PNLIPRP3: variants seen among roughly 807,000 people sequenced by gnomAD.
PNLIPRP3 encodes pancreatic lipase-related protein 3.
A neutral mutation model predicts 52.8 loss-of-function variants in PNLIPRP3; 58 were observed. That is an observed-to-expected ratio of 1.10 (90% CI 0.89 to 1.37). The LOEUF is 1.37. Among genes scored for constraint, PNLIPRP3 ranks in the 40% most tolerant of loss-of-function variants. PNLIPRP3 has a pLI of 0.00. For missense variants in PNLIPRP3, 593 were observed against 561.6 expected, an observed-to-expected ratio of 1.06 and a Z score of -0.57; for synonymous variants, 192 against 185.0, an observed-to-expected ratio of 1.04 and a Z score of -0.31.
intron 1 of PNLIPRP3, among the ~76,000 whole-genome samples, chr10:116,428,264 T>C (rs1845664923): frequency 2.0e-5 from 3 of 152,128 alleles, no homozygotes; most frequent in African/African-American, 7.2e-5. Context: ...CATAAAATTA[T>C]CAATGGAAAA....
chr10:116,473,974 C>G (rs1285513935), intron 10 of PNLIPRP3, among the ~76,000 whole-genome samples: 1 of 144,588 alleles, frequency 6.9e-6, no homozygotes, highest in African/African-American at 2.6e-5. Context: ...AAAAAGATCC[C>G]AAATAGCCAA....
At chr10:116,462,701 A>C (rs1392253434) in intron 7 of PNLIPRP3, among the ~76,000 whole-genome samples, 2 of 152,188 alleles carry the variant, frequency 1.3e-5, no homozygotes, top group African/African-American at 4.8e-5. Context: ...GATTTTCCCC[A>C]TTATTTTCTA....
At chr10:116,458,123 T>C (rs988280083) in intron 5 of PNLIPRP3, among the ~76,000 whole-genome samples, 3 of 152,070 alleles carry the variant, frequency 2.0e-5, no homozygotes, top group African/African-American at 7.2e-5. Context: ...TGGTAAGTAG[T>C]TGTCATAATA....
chr10:116,471,815 C>T lies in PNLIPRP3; in HGVS notation c.1108C>T (p.Gln370Ter). 6.2e-7 allele frequency: 1 copy of T among 1,611,842 alleles called. No homozygotes were observed. Among genetic ancestry groups the T allele is most frequent in the South Asian group, 1.1e-5 (1 of 90,822 alleles). Residue 370 changes from glutamine (Q) to a stop codon, truncating the protein, a stop_gained, in exon 10 of 12, where the codon CAA (glutamine) becomes TAA (stop). Transcript: ENST00000369230. LOFTEE classifies it high-confidence loss of function. ...TAAACTCAGTGGAAGCGAAGTCACT[C>T]AAGGAACTGTCTTTCTTCGTGTAGG... ...SVKLSGSEVTQGTVFLRVGGA... is the reference protein window; with the variant it reads ...SVKLSGSEVT
At chr10:116,466,283 G>T in intron 8 of PNLIPRP3, 115 bp downstream of exon 8, 1 of 682,272 alleles carries the variant, frequency 1.5e-6, no homozygotes, top group Non-Finnish European at 2.4e-6. Context: ...CTGCCATTTT[G>T]GGAAATAATG....
Position 116,450,725 on chromosome 10 carries a change from A to G in PNLIPRP3, c.457-4997A>G, listed in dbSNP as rs138832834. ...CTAGAAGAAATAGATAAATTCCTAG[A>G]AACATACAACATACCAAAGCTGAAT... On this transcript the variant is annotated intron_variant, in intron 4 of 11. Coordinates refer to ENST00000369230, the MANE Select transcript of PNLIPRP3 (RefSeq NM_001011709.3). 3.7e-3 allele frequency among the ~76,000 whole-genome samples: 561 copies of G among 152,332 alleles called. 5 individuals are homozygous for G. Among genetic ancestry groups the G allele is most frequent in the Middle Eastern group, 3.4e-3 (1 of 294 alleles).
chr10:116,452,389 T>C (rs1846051993), intron 4 of PNLIPRP3, among the ~76,000 whole-genome samples: 1 of 152,222 alleles, frequency 6.6e-6, no homozygotes. Context: ...AAAAGCTTTT[T>C]CAAGAGCAGA....
At chr10:116,440,591 T>A (rs781629550) in intron 2 of PNLIPRP3, among the ~76,000 whole-genome samples, 8 of 152,258 alleles carry the variant, frequency 5.3e-5, no homozygotes, top group Non-Finnish European at 8.8e-5. Flanking sequence ...TATAAACAAA[T>A]CAGAAATTAA....
At chr10:116,461,757 A>G (rs1589987038) in intron 7 of PNLIPRP3, among the ~76,000 whole-genome samples, 1 of 152,188 alleles carries the variant, frequency 6.6e-6, no homozygotes. Flanking sequence ...AGTGAAGGTA[A>G]AGTAGAAGAA....
chr10:116,431,957 A>G (rs574501616), intron 1 of PNLIPRP3, among the ~76,000 whole-genome samples: 116 of 152,110 alleles, frequency 7.6e-4, no homozygotes, highest in African/African-American at 2.7e-3. Context: ...TGGACACCCT[A>G]TTTAAACTGC....
chr10:116,437,330 T>A (rs749499079), intron 2 of PNLIPRP3, among the ~76,000 whole-genome samples: 1 of 152,154 alleles, frequency 6.6e-6, no homozygotes, highest in Non-Finnish European at 1.5e-5. Context: ...AGAGCTCACC[T>A]TGAGGTCAGG....
Position 116,427,961 on chromosome 10 carries a change from A to G in PNLIPRP3, c.-52A>G. The G allele has an allele frequency of 7.2e-7, 1 of 1,397,286 alleles. No individual in the cohort carries two copies. Among genetic ancestry groups the G allele is most frequent in the Non-Finnish European group, 1.0e-6 (1 of 986,090 alleles). 86.6% of individuals were successfully genotyped at this position (1,397,286 alleles called of 1,614,324 possible). On this transcript the variant is annotated 5_prime_UTR_variant, in exon 1 of 12. Coordinates refer to ENST00000369230, the MANE Select transcript of PNLIPRP3 (RefSeq NM_001011709.3). ...TAGTATTTTATAGTGAGGTGACTTT[A>G]CAAGTAAAGATCTTCAAGAAGATTT...
chr10:116,455,139 A>G (rs1203494313), intron 4 of PNLIPRP3, among the ~76,000 whole-genome samples: 1 of 152,172 alleles, frequency 6.6e-6, no homozygotes, highest in Non-Finnish European at 1.5e-5. Flanking sequence ...GATGTTCAAC[A>G]TTTTTTCATA....
intron 7 of PNLIPRP3, among the ~76,000 whole-genome samples, chr10:116,464,918 G>A (rs887080508): frequency 3.9e-5 from 6 of 152,226 alleles, no homozygotes; most frequent in South Asian, 2.1e-4. Context: ...TTCCTGATGC[G>A]TGGGGTGGGA....
intron 5 of PNLIPRP3, among the ~76,000 whole-genome samples, chr10:116,457,422 AC>A (rs1846131660): frequency 6.6e-6 from 1 of 152,124 alleles, no homozygotes; most frequent in African/African-American, 2.4e-5. Context: ...TCAATTTAGA[AC>A]ACAGTTTTTA....
In PNLIPRP3 at chr10:116,436,772, T is replaced by C. The variant is rs1284153237; in HGVS notation, c.111T>C (p.Thr37=). 4 of 1,613,726 alleles carry C rather than the reference T, an allele frequency of 2.5e-6. No homozygotes were observed. In the African/African-American group the frequency reaches 4.0e-5, roughly 16 times the overall value. The change falls in exon 2 of 12, where the codon ACT becomes ACC. Residue 37 remains threonine (T), a synonymous_variant. Coordinates refer to ENST00000369230, the MANE Select transcript of PNLIPRP3 (RefSeq NM_001011709.3). ...AAGATGGTTTACCATGGACCAGGAC[T>C]TTCTCAACAGAGTTGGTAGGTTTAC... ...CFKDGLPWTR[T]FSTELVGLPW...
chr10:116,440,732 C>A (rs1845845849), intron 2 of PNLIPRP3, among the ~76,000 whole-genome samples: 1 of 152,160 alleles, frequency 6.6e-6, no homozygotes, highest in Non-Finnish European at 1.5e-5. Context: ...ATAAAACCAA[C>A]CGACTTCCCC....
chr10:116,455,680 C>T (rs374854050), intron 4 of PNLIPRP3, 42 bp from the exon 5 acceptor site: 70 of 1,413,296 alleles, frequency 5.0e-5, no homozygotes, highest in African/African-American at 1.3e-4. Context: ...GCTATTCCAC[C>T]GCTGTTTTTA....
intron 1 of PNLIPRP3, among the ~76,000 whole-genome samples, chr10:116,431,177 T>C (rs1845704815): frequency 1.3e-5 from 2 of 152,160 alleles, no homozygotes; most frequent in South Asian, 4.1e-4. Context: ...GCTACCACCC[T>C]AGTCTTAGCC....
Sources: allele counts gnomAD v4.1 joint callset (sites outside exome capture counted in the v4.1 genomes callset), GRCh38; gene constraint gnomAD v4.1.1; transcripts MANE v1.5; gene names NCBI Gene and HGNC (gene_info 2026-07-23, HGNC 2026-07-21).